GRHL2: variants seen among roughly 807,000 people sequenced by gnomAD.
GRHL2 encodes grainyhead like transcription factor 2.
A neutral mutation model predicts 83.8 loss-of-function variants in GRHL2; 21 were observed. The ratio of observed to expected loss-of-function variants is 0.25; its 90% CI spans 0.18 to 0.36. The LOEUF (loss-of-function observed/expected upper bound fraction) is 0.36. Among genes scored for constraint, GRHL2 ranks in the 10% least tolerant of loss-of-function variants. The pLI is 1.00. For missense variants in GRHL2, 623 were observed against 781.8 expected (o/e 0.80, Z 2.42); for synonymous variants, 280 against 278.9 (o/e 1.00, Z -0.04).
In GRHL2 at chr8:101,492,718, T is replaced by A; in HGVS notation, c.-52T>A. ...CCTGCACAGACTTGAAAGTCCAGTT[T>A]CACCAGAGGCTGAGGCTCCAGGAAA... On this transcript the variant is annotated 5_prime_UTR_variant, in exon 1 of 16. Transcript: ENST00000646743. 6.4e-7 allele frequency: 1 copy of A among 1,563,608 alleles called. No homozygotes were observed.
At chr8:101,646,155 C>T (rs1404329473) in intron 13 of GRHL2, among the ~76,000 whole-genome samples, 1 of 152,220 alleles carries the variant, frequency 6.6e-6, no homozygotes, top group African/African-American at 2.4e-5. Context: ...GTATTAGCCA[C>T]CATGCCTAGC....
At chr8:101,641,702 G>T (rs527567046) in intron 12 of GRHL2, among the ~76,000 whole-genome samples, 4 of 152,258 alleles carry the variant, frequency 2.6e-5, no homozygotes, top group Admixed American at 2.6e-4. Flanking sequence ...CCAGGGAGAT[G>T]GAAATTGATG....
chr8:101,672,448 G>A (rs1019545128), downstream of GRHL2, among the ~76,000 whole-genome samples: 4 of 151,670 alleles, frequency 2.6e-5, no homozygotes, highest in African/African-American at 9.8e-5. Flanking sequence ...GGAAGAAAGG[G>A]TATCAGCAAT....
chr8:101,532,891 A>C (rs1652498647), intron 1 of GRHL2, among the ~76,000 whole-genome samples: 2 of 152,120 alleles, frequency 1.3e-5, no homozygotes, highest in South Asian at 4.1e-4. Flanking sequence ...AGTACATAGC[A>C]TGAAATCCTG....
chr8:101,522,510 C>T (rs61114171), intron 1 of GRHL2, among the ~76,000 whole-genome samples: 3,861 of 152,122 alleles, frequency 0.025, 178 homozygotes, highest in African/African-American at 0.087. Context: ...GCAATTTGTC[C>T]TTGAATTATT....
At chr8:101,665,598 T>A (rs1041779159) in intron 15 of GRHL2, among the ~76,000 whole-genome samples, 6 of 152,234 alleles carry the variant, frequency 3.9e-5, no homozygotes, top group African/African-American at 1.4e-4. Flanking sequence ...CACAGTCTTA[T>A]TGCCGAGCAG....
intron 11 of GRHL2, among the ~76,000 whole-genome samples, chr8:101,634,501 A>C (rs1440925307): frequency 6.6e-6 from 1 of 152,244 alleles, no homozygotes; most frequent in Non-Finnish European, 1.5e-5. Context: ...AACAAGAGCC[A>C]GCAGTGGCAG....
At position 101,543,226 on chromosome 8, in the gene GRHL2, C is replaced by T; in HGVS notation, c.21-15C>T. ...CTCTCTGAAAATGAACCTCACATTT[C>T]TCTTGTTTTTACAGTAATAAAAGAC... On this transcript the variant is annotated splice_polypyrimidine_tract_variant and intron_variant, in intron 1 of 15. Coordinates refer to ENST00000646743, the MANE Select transcript of GRHL2 (RefSeq NM_024915.4). 6.2e-7 allele frequency: 1 copy of T among 1,609,582 alleles called. No individual in the cohort carries two copies. Among genetic ancestry groups the T allele is most frequent in the Non-Finnish European group, 8.5e-7 (1 of 1,175,832 alleles).
the GRHL2 span, among the ~76,000 whole-genome samples, chr8:101,678,236 C>T: frequency 9.2e-5 from 14 of 152,226 alleles, no homozygotes; most frequent in African/African-American, 2.9e-4. Flanking sequence ...GCACCGTGTG[C>T]GAGCCAAAGC....
At chr8:101,640,022 G>A (rs1687455982) in intron 12 of GRHL2, among the ~76,000 whole-genome samples, 1 of 152,214 alleles carries the variant, frequency 6.6e-6, no homozygotes, top group South Asian at 2.1e-4. Context: ...TGACTTCTCT[G>A]CATTACCAGT....
intron 1 of GRHL2, 180 bp downstream of exon 1, chr8:101,492,969 C>A: frequency 1.5e-6 from 1 of 663,138 alleles, no homozygotes; most frequent in South Asian, 1.8e-5. Context: ...AGGGGAGAAA[C>A]CCTACAACAA....
intron 4 of GRHL2, among the ~76,000 whole-genome samples, chr8:101,569,834 T>C (rs1811786794): frequency 6.6e-6 from 1 of 152,218 alleles, no homozygotes; most frequent in Admixed American, 6.5e-5. Context: ...ATTTTATAGA[T>C]GAAGAAAATA....
chr8:101,650,944 C>T (rs556741570), intron 14 of GRHL2, among the ~76,000 whole-genome samples: 2 of 152,146 alleles, frequency 1.3e-5, no homozygotes, highest in South Asian at 2.1e-4. Context: ...TCAAGGACCT[C>T]CGTCTAAGAA....
intron 1 of GRHL2, among the ~76,000 whole-genome samples, chr8:101,523,704 C>G (rs1234296002): frequency 2.0e-5 from 3 of 151,970 alleles, no homozygotes; most frequent in Non-Finnish European, 2.9e-5. Flanking sequence ...GTCTTGAATT[C>G]CTGGGCTCAA....
At chr8:101,656,023 A>T (rs1563629457) in intron 14 of GRHL2, among the ~76,000 whole-genome samples, 1 of 152,174 alleles carries the variant, frequency 6.6e-6, no homozygotes, top group Non-Finnish European at 1.5e-5. Context: ...CACTTCTTCC[A>T]GGCCGCTGCT....
chr8:101,676,534 T>C, the GRHL2 span, among the ~76,000 whole-genome samples: 1 of 152,248 alleles, frequency 6.6e-6, no homozygotes, highest in East Asian at 1.9e-4. Context: ...CCAGTTAGAA[T>C]GGCGATCATT....
chr8:101,664,046 TC>T (rs1381723506), intron 14 of GRHL2, among the ~76,000 whole-genome samples: 1 of 152,240 alleles, frequency 6.6e-6, no homozygotes, highest in African/African-American at 2.4e-5. Context: ...ACTCATGGTT[TC>T]TTCCTCTACT....
chr8:101,649,819 T>C (rs1213551960), intron 14 of GRHL2, among the ~76,000 whole-genome samples: 2 of 152,106 alleles, frequency 1.3e-5, no homozygotes, highest in Non-Finnish European at 1.5e-5. Flanking sequence ...CCCAAATATA[T>C]ACAAAACAAA....
chr8:101,542,657 G>A, intron 1 of GRHL2: 1 of 422,210 alleles, frequency 2.4e-6, no homozygotes, highest in Non-Finnish European at 4.8e-6. Context: ...AGTCAATTTT[G>A]TGCTGCTATA....
Sources: gnomAD v4.1 joint callset for allele counts (sites outside exome capture counted in the v4.1 genomes callset) on GRCh38, gnomAD v4.1.1 for gene constraint, MANE v1.5 for transcripts, NCBI Gene and HGNC (gene_info 2026-07-23, HGNC 2026-07-21) for gene names.